The following MCM8 variants were observed in gnomAD, a reference collection of about 807,000 sequenced individuals.
The protein encoded by MCM8 is minichromosome maintenance 8 homologous recombination repair factor.
In MCM8, 85 loss-of-function variants were observed where a neutral mutation model predicts 98.9. The ratio of observed to expected loss-of-function variants is 0.86; its 90% confidence interval spans 0.72 to 1.03. The LOEUF is 1.03. Ranked by LOEUF, MCM8 falls within the 50% of genes least tolerant of loss-of-function variation. The probability of loss-of-function intolerance (pLI) is 0.00; values close to 1 mark genes in which losing one functional copy is unlikely to be tolerated. For missense variants in MCM8, 951 were observed against 997.8 expected (o/e 0.95, Z 0.63); for synonymous variants, 352 against 338.6 (o/e 1.04, Z -0.44).
At chr20:5,985,831 C>A in intron 15 of MCM8, 91 bp from the exon 16 acceptor site, 1 of 1,294,772 alleles carries the variant, frequency 7.7e-7, no homozygotes, top group South Asian at 1.3e-5. Context: ...CAGGCGTGAG[C>A]CACTGCACCT....
chr20:5,992,122 TG>T (rs1486220122), intron 17 of MCM8, among the ~76,000 whole-genome samples: 1 of 152,158 alleles, frequency 6.6e-6, no homozygotes, highest in Non-Finnish European at 1.5e-5. Context: ...CCTTCAAAGG[TG>T]AAAGATCATT....
In MCM8 at chr20:5,993,638, T is replaced by C. The variant is rs1303666514; in HGVS notation, c.2373T>C (p.Tyr791=). The C allele has an allele frequency of 2.5e-6, 4 of 1,611,178 alleles. No individual in the cohort carries two copies. The highest frequency in any genetic ancestry group is 2.2e-5 in the East Asian group (1 of 44,868). ...SALNNVAERT[Y]NNIFQFHQLR... The stretch of plus-strand genomic sequence containing the variant: ...TCAACAACGTTGCTGAAAGAACTTA[T>C]AATAATATATTTCAATTTCATCAAC... The change falls in exon 18 of 19, where the codon TAT becomes TAC. Residue 791 remains tyrosine, a synonymous_variant. Transcript: ENST00000610722.
At chr20:5,966,678 T>C (rs186122830) in intron 8 of MCM8, among the ~76,000 whole-genome samples, 92 of 152,296 alleles carry the variant, frequency 6.0e-4, no homozygotes, top group Non-Finnish European at 1.0e-3. Context: ...CACAAGACTT[T>C]ACCTCTAAAT....
At chr20:5,957,309 A>T (rs895055684) in intron 6 of MCM8, 80 bp downstream of exon 6, 29 of 992,916 alleles carry the variant, frequency 2.9e-5, no homozygotes, top group Non-Finnish European at 3.4e-5. Context: ...TCATTTTATA[A>T]AAATGAGGAA....
At chr20:5,966,572 G>A (rs1357853722) in intron 8 of MCM8, among the ~76,000 whole-genome samples, 2 of 151,928 alleles carry the variant, frequency 1.3e-5, no homozygotes, top group Non-Finnish European at 2.9e-5. Context: ...CTGAATTATT[G>A]CCATTTAATT....
intron 8 of MCM8, among the ~76,000 whole-genome samples, chr20:5,966,227 A>G (rs2089271784): frequency 6.6e-6 from 1 of 151,970 alleles, no homozygotes; most frequent in Non-Finnish European, 1.5e-5. Flanking sequence ...AAACAGTGAA[A>G]GTGTATCTAG....
intron 12 of MCM8, 88 bp downstream of exon 12, chr20:5,973,284 G>A (rs934085766): frequency 3.0e-5 from 46 of 1,534,806 alleles, no homozygotes; most frequent in African/African-American, 2.6e-4. Flanking sequence ...CATGTAGTGT[G>A]TGTGTTCCAG....
rs2089981916 is a variant in MCM8, at chr20:5,998,153, GT to G, written c.*3763del. On this transcript the variant is annotated 3_prime_UTR_variant, in exon 19 of 19. Transcript: ENST00000610722. ...GAATGCATTGAATTCATAAACAATG[GT>G]ATGGATATTGACTAGCCAAAGAGGT... 1 of 152,122 alleles carries G rather than the reference GT, an allele frequency of 6.6e-6. No homozygotes were observed. The highest frequency in any genetic ancestry group is 2.4e-5 in the African/African-American group (1 of 41,394). The allele number at this position is 152,122 out of a possible 1,614,324, so 9.4% of individuals were successfully genotyped here.
At chr20:5,968,854 A>G (rs2089338454) in intron 10 of MCM8, among the ~76,000 whole-genome samples, 1 of 152,218 alleles carries the variant, frequency 6.6e-6, no homozygotes, top group African/African-American at 2.4e-5. Flanking sequence ...TGTTGCTCAT[A>G]GAGATTCAAA....
chr20:5,953,998 A>G (rs2088905533), intron 3 of MCM8, among the ~76,000 whole-genome samples: 1 of 152,166 alleles, frequency 6.6e-6, no homozygotes, highest in Admixed American at 6.5e-5. Flanking sequence ...CCCCTAGCAG[A>G]TAGCTCAGAA....
intron 8 of MCM8, 151 bp downstream of exon 8, chr20:5,963,510 T>C: frequency 1.8e-6 from 1 of 549,384 alleles, no homozygotes; most frequent in Non-Finnish European, 3.2e-6. Context: ...GAAGAGTTTG[T>C]ATGTTAAAAT....
chr20:5,964,395 T>C, intron 8 of MCM8: 1 of 152,178 alleles, frequency 6.6e-6, no homozygotes, highest in Admixed American at 6.5e-5. Context: ...TTAATTGTAC[T>C]ATAGTGAGAT....
At chr20:5,992,071 A>G (rs111712601) in intron 17 of MCM8, among the ~76,000 whole-genome samples, 9 of 152,210 alleles carry the variant, frequency 5.9e-5, no homozygotes, top group African/African-American at 2.2e-4. Context: ...GCTTTCTCCT[A>G]AAATTGAAAA....
rs1377738742 is a variant in MCM8 at position 5,995,293 on chromosome 20, G to A, written c.*902G>A. 2.0e-5 allele frequency: 3 copies of A among 152,206 alleles called. No individual in the cohort carries two copies. Among genetic ancestry groups the A allele is most frequent in the Non-Finnish European group, 4.4e-5 (3 of 68,040 alleles). 9.4% of individuals were successfully genotyped at this position (152,206 alleles called of 1,614,324 possible). A position where few individuals can be genotyped will look rare whatever the true frequency, so the allele number is the denominator to read the frequency against. The stretch of plus-strand genomic sequence containing the variant: ...ATAGAAACAGACTGATTAAGCAGGA[G>A]AAGTTTTTTGAAAGAATTTTGTTTG... On this transcript the variant is annotated 3_prime_UTR_variant, in exon 19 of 19. Transcript: ENST00000610722.
rs769773862 is a variant in MCM8 at position 5,957,229 on chromosome 20, G to A, written c.590G>A (p.Arg197Lys). The change falls in exon 6 of 19, where the codon AGG becomes AAG. Residue 197 changes from arginine to lysine, a missense_variant and splice_region_variant. Arg to Lys is a conservative substitution (Grantham distance 26, BLOSUM62 2). Coordinates refer to ENST00000610722, the MANE Select transcript of MCM8 (RefSeq NM_032485.6). ...TMVNVPHIHA[R>K]VYNYEPLTQL... is the part of the protein sequence containing the mutation. ...GTAAATGTGCCACATATTCATGCAA[G>A]GTGAGGAATTTGATGTATTAAAGTA... The A allele has an allele frequency of 8.1e-6, 13 of 1,609,432 alleles. No homozygotes were observed. The highest frequency in any genetic ancestry group is 1.3e-5 in the African/African-American group (1 of 74,706).
intron 18 of MCM8, 133 bp from the exon 19 acceptor site, chr20:5,994,166 C>T: frequency 3.9e-6 from 2 of 514,160 alleles, no homozygotes; most frequent in South Asian, 8.5e-5. Flanking sequence ...GCAGTTTGCT[C>T]TGTAAGAAAT....
chr20:5,957,407 C>T (rs2089015638), intron 6 of MCM8, among the ~76,000 whole-genome samples, 178 bp downstream of exon 6: 1 of 152,196 alleles, frequency 6.6e-6, no homozygotes, highest in African/African-American at 2.4e-5. Context: ...GACATCATGA[C>T]AGATACTTCC....
intron 5 of MCM8, among the ~76,000 whole-genome samples, chr20:5,956,520 A>G (rs1253359838): frequency 2.0e-5 from 3 of 152,078 alleles, no homozygotes; most frequent in Non-Finnish European, 4.4e-5. Context: ...CAGCCTCCCA[A>G]GTAGCTGGGA....
chr20:5,972,764 G>A (rs959711799), intron 11 of MCM8: 1 of 1,344,152 alleles, frequency 7.4e-7, no homozygotes, highest in East Asian at 4.2e-5. Context: ...GACACTGCCA[G>A]TATTAAAGCA....
Sources: gnomAD v4.1 joint callset for allele counts (sites outside exome capture counted in the v4.1 genomes callset) on GRCh38, gnomAD v4.1.1 for gene constraint, MANE v1.5 for transcripts, NCBI Gene and HGNC (gene_info 2026-07-23, HGNC 2026-07-21) for gene names.